AFF4: variants seen among roughly 807,000 people sequenced by gnomAD.
The protein encoded by AFF4 is ALF transcription elongation factor 4.
A neutral mutation model predicts 124.8 loss-of-function variants in AFF4; 13 were observed. That is an observed-to-expected ratio of 0.10 (90% CI 0.07 to 0.17). The LOEUF (loss-of-function observed/expected upper bound fraction) is 0.17. Ranked by LOEUF, AFF4 falls within the 10% of genes least tolerant of loss-of-function variation. AFF4 has a pLI of 1.00. For synonymous variants in AFF4, 477 were observed against 496.1 expected, an observed-to-expected ratio of 0.96 and a Z score of 0.51; for missense variants, 1,092 against 1,403.8, an observed-to-expected ratio of 0.78 and a Z score of 3.55.
intron 6 of AFF4, 68 bp downstream of exon 6, chr5:132,904,300 G>A (rs762698929): frequency 5.5e-5 from 73 of 1,327,830 alleles, no homozygotes; most frequent in Non-Finnish European, 3.2e-5. Flanking sequence ...TATATATGGT[G>A]TGACCATGAA....
intron 5 of AFF4, among the ~76,000 whole-genome samples, chr5:132,915,559 T>C (rs1760889673): frequency 7.8e-6 from 1 of 128,000 alleles, no homozygotes; most frequent in Non-Finnish European, 1.6e-5. Flanking sequence ...ACCCACTTCT[T>C]TTTTTTGGGT....
At position 132,888,154 on chromosome 5, in the gene AFF4, A is replaced by G. The variant is rs1036541855; in HGVS notation, c.2739T>C (p.Tyr913=). The G allele has an allele frequency of 1.2e-6, 2 of 1,608,426 alleles. No homozygotes were observed. The highest frequency in any genetic ancestry group is 8.5e-7 in the Non-Finnish European group (1 of 1,177,150). ...RTKLVFDDRN[Y]SADHYLQEAK... is the part of the protein sequence containing the mutation. ...CTTCTTGTAAATAATGGTCTGCTGA[A>G]TAATTTCTGCAAGACAAATTTTCAT... is the stretch of plus-strand genomic sequence containing the variant. Residue 913 remains tyrosine (Y), a synonymous_variant, in exon 15 of 21, where the codon TAT becomes TAC. Coordinates refer to ENST00000265343, the MANE Select transcript of AFF4 (RefSeq NM_014423.4).
intron 11 of AFF4, among the ~76,000 whole-genome samples, chr5:132,895,522 A>G (rs1760366749): frequency 1.3e-5 from 2 of 152,244 alleles, no homozygotes; most frequent in African/African-American, 4.8e-5. Context: ...CACCTACTCA[A>G]GCTTAACTTC....
intron 4 of AFF4, among the ~76,000 whole-genome samples, chr5:132,931,106 CAAA>C (rs35923089): frequency 6.2e-5 from 6 of 96,830 alleles, no homozygotes; most frequent in Admixed American, 1.1e-4. Flanking sequence ...AACTCTGGCT[CAAA>C]AAAAAAAAAA....
At chr5:132,909,583 G>A (rs1004250422) in intron 5 of AFF4, among the ~76,000 whole-genome samples, 1 of 152,200 alleles carries the variant, frequency 6.6e-6, no homozygotes, top group African/African-American at 2.4e-5. Context: ...ATTAAAAAGA[G>A]AGAGGTGTCT....
chr5:132,951,177 T>A (rs1245144845), intron 1 of AFF4, among the ~76,000 whole-genome samples: 4 of 150,494 alleles, frequency 2.7e-5, no homozygotes, highest in Admixed American at 1.3e-4. Context: ...CGAGCAGAGA[T>A]CGCCACACTG....
At chr5:132,929,047 A>G (rs1761243574) in intron 4 of AFF4, among the ~76,000 whole-genome samples, 1 of 152,148 alleles carries the variant, frequency 6.6e-6, no homozygotes, top group African/African-American at 2.4e-5. Flanking sequence ...TGCCTTGAAT[A>G]AATCATTTTT....
intron 1 of AFF4, among the ~76,000 whole-genome samples, chr5:132,947,328 C>T (rs552983600): frequency 3.1e-4 from 47 of 151,606 alleles, no homozygotes; most frequent in African/African-American, 1.1e-3. Context: ...ATTTGAATCT[C>T]GGAGGCAAAA....
chr5:132,957,019 C>CAAAAAAAAA lies in AFF4; in HGVS notation c.-5+6231_-5+6239dup, dbSNP rs1180577709. Among the ~76,000 whole-genome samples the CAAAAAAAAA allele has an allele frequency of 1.5e-4, 6 of 40,790 alleles. 1 individual carries two copies. Among genetic ancestry groups the CAAAAAAAAA allele is most frequent in the African/African-American group, 2.4e-4 (3 of 12,468 alleles). 26.8% of individuals were successfully genotyped at this position (40,790 alleles called of 152,430 possible). On this transcript the variant is annotated intron_variant, in intron 1 of 20. Coordinates refer to ENST00000265343, the MANE Select transcript of AFF4 (RefSeq NM_014423.4). ...TGGGTGACAGTGTGAGACTTCGTCT[C>CAAAAAAAAA]AAAAAAAAAAAAAAAAAAAAAAAAA...
intron 19 of AFF4, among the ~76,000 whole-genome samples, chr5:132,884,431 G>A (rs1325114222): frequency 1.3e-5 from 2 of 152,018 alleles, no homozygotes; most frequent in African/African-American, 2.4e-5. Flanking sequence ...TAGCACAGAT[G>A]GGGTTTCACC....
chr5:132,931,814 G>A (rs1244370489), intron 4 of AFF4, among the ~76,000 whole-genome samples: 1 of 152,120 alleles, frequency 6.6e-6, no homozygotes, highest in Non-Finnish European at 1.5e-5. Context: ...CATGATGGCG[G>A]GAGCCTGTAA....
intron 7 of AFF4, 95 bp from the exon 8 acceptor site, chr5:132,899,736 T>G: frequency 9.1e-7 from 1 of 1,094,192 alleles, no homozygotes; most frequent in Non-Finnish European, 1.3e-6. Flanking sequence ...AAATAATCAC[T>G]GTGGTAGCCA....
rs184463312 is a variant in AFF4, at chr5:132,915,556, T to C, written c.1051-11152A>G. ...TAATTATACTGCACTTTGACCCACT[T>C]CTTTTTTTTGGGTTTTTTTTTTTTT... On this transcript the variant is annotated intron_variant, in intron 5 of 20. Transcript: ENST00000265343. Among the ~76,000 whole-genome samples, 1,116 of 138,604 alleles carry C rather than the reference T, an allele frequency of 8.1e-3. 11 individuals carry two copies. Among genetic ancestry groups the C allele is most frequent in the South Asian group, 0.027 (118 of 4,448 alleles). 90.9% of individuals were successfully genotyped at this position (138,604 alleles called of 152,430 possible). A position where few individuals can be genotyped will look rare whatever the true frequency, so the allele number is the denominator to read the frequency against.
chr5:132,893,655 G>A (rs1020156900), intron 11 of AFF4, among the ~76,000 whole-genome samples: 2 of 152,044 alleles, frequency 1.3e-5, no homozygotes, highest in Non-Finnish European at 2.9e-5. Flanking sequence ...CTAATTTTTT[G>A]TATTTTTAGT....
At chr5:132,935,072 C>T (rs534865397) in intron 2 of AFF4, 131 bp from the exon 3 acceptor site, 22 of 623,200 alleles carry the variant, frequency 3.5e-5, no homozygotes, top group South Asian at 1.3e-4. Context: ...CATATCTTAA[C>T]GTTAATACCT....
At chr5:132,913,477 T>C (rs1448206188) in intron 5 of AFF4, among the ~76,000 whole-genome samples, 2 of 152,212 alleles carry the variant, frequency 1.3e-5, no homozygotes, top group African/African-American at 4.8e-5. Flanking sequence ...AGGGTCTTTC[T>C]CTGTCACCCA....
Position 132,877,163 on chromosome 5 carries a change from T to C in AFF4, c.*3896A>G, listed in dbSNP as rs1759858430. 1 of 207,912 alleles carries C rather than the reference T, an allele frequency of 4.8e-6. No individual in the cohort carries two copies. Among genetic ancestry groups the C allele is most frequent in the East Asian group, 7.3e-5 (1 of 13,614 alleles). 12.9% of individuals were successfully genotyped at this position (207,912 alleles called of 1,614,324 possible). A position where few individuals can be genotyped will look rare whatever the true frequency, so the allele number is the denominator to read the frequency against. On this transcript the variant is annotated 3_prime_UTR_variant, in exon 21 of 21. Transcript: ENST00000265343. ...TTAAAAAACATCATCACAAGCTGCC[T>C]AACAGTCATCCCCAGTAGATGTTCC...
intron 1 of AFF4, among the ~76,000 whole-genome samples, chr5:132,939,408 G>A (rs1255251066): frequency 6.6e-6 from 1 of 152,034 alleles, no homozygotes; most frequent in Non-Finnish European, 1.5e-5. Flanking sequence ...CAAAACTTAA[G>A]TATTCATAAA....
chr5:132,931,633 T>C (rs777904962), intron 4 of AFF4, among the ~76,000 whole-genome samples: 1 of 152,170 alleles, frequency 6.6e-6, no homozygotes, highest in Non-Finnish European at 1.5e-5. Context: ...GCAAAGTAAG[T>C]GTTAAGATTA....
Sources: allele counts gnomAD v4.1 joint callset (sites outside exome capture counted in the v4.1 genomes callset), GRCh38; gene constraint gnomAD v4.1.1; transcripts MANE v1.5; gene names NCBI Gene and HGNC (gene_info 2026-07-23, HGNC 2026-07-21).